The following TMEM202 variants were observed in gnomAD, a reference collection of about 807,000 sequenced individuals.
TMEM202 encodes transmembrane protein 202.
Under a neutral mutation model 26.1 loss-of-function variants are expected in TMEM202, and 25 were observed. The observed-to-expected ratio is 0.96, with a 90% CI of 0.70 to 1.34. The LOEUF is 1.34. Ranked by LOEUF, TMEM202 falls within the 40% of genes most tolerant of loss-of-function variation. TMEM202 has a pLI of 0.00. For missense variants in TMEM202, 301 were observed against 327.7 expected (o/e 0.92, Z 0.63); for synonymous variants, 122 against 119.0 (o/e 1.02, Z -0.16).
chr15:72,408,181 G>C lies in TMEM202; in HGVS notation c.*288G>C, dbSNP rs1047007271. Among the ~76,000 whole-genome samples the C allele has an allele frequency of 2.0e-5, 3 of 152,050 alleles. No individual in the cohort carries two copies. The highest frequency in any genetic ancestry group is 7.2e-5 in the African/African-American group (3 of 41,382). On this transcript the variant is annotated 3_prime_UTR_variant, in exon 5 of 5. Transcript: ENST00000341689. ...AGTGTGTAGACCAGAGACCTCTTTG[G>C]GTATCAGGGATCTCATGGACCAGAA...
Position 72,398,395 on chromosome 15 carries a change from GA to G in TMEM202, c.72del (p.Lys24AsnfsTer46). The part of the protein sequence containing the change: ...PEVPKIKGNR[K>X]YQRPTVPAKK... Reference sequence around the variant, plus strand: ...AGGTTCCCAAAATAAAGGGGAACCGGAAATACCAAAGGGTGAGGAGGTATCT... The same window carrying G: ...AGGTTCCCAAAATAAAGGGGAACCGGAATACCAAAGGGTGAGGAGGTATCT... On this transcript the variant is annotated frameshift_variant, in exon 1 of 5. Transcript: ENST00000341689. LOFTEE classifies it high-confidence loss of function. 1 of 1,611,712 alleles carries G rather than the reference GA, an allele frequency of 6.2e-7. No homozygotes were observed.
At chr15:72,402,921 C>T (rs2063554570) in intron 2 of TMEM202, among the ~76,000 whole-genome samples, 1 of 152,170 alleles carries the variant, frequency 6.6e-6, no homozygotes, top group Non-Finnish European at 1.5e-5. Flanking sequence ...AAACCACCCA[C>T]TTGGGGCACC....
chr15:72,401,405 G>T (rs775117604), intron 2 of TMEM202, among the ~76,000 whole-genome samples: 1 of 152,134 alleles, frequency 6.6e-6, no homozygotes, highest in African/African-American at 2.4e-5. Context: ...TTAGCTGGGC[G>T]TGGTAGTGGG....
chr15:72,404,438 A>T (rs1413093273), intron 2 of TMEM202, among the ~76,000 whole-genome samples: 5 of 152,038 alleles, frequency 3.3e-5, no homozygotes, highest in Non-Finnish European at 7.4e-5. Context: ...AAGAAAAAAA[A>T]ATGTGGCTCA....
Position 72,398,886 on chromosome 15 carries a change from G to C in TMEM202, c.315G>C (p.Trp105Cys). The change falls in exon 2 of 5, where the codon TGG becomes TGC. Residue 105 changes from tryptophan (W) to cysteine (C), a missense_variant. Physicochemically the swap from Trp to Cys is radical, Grantham distance 215 (BLOSUM62 -2). Coordinates refer to ENST00000341689, the MANE Select transcript of TMEM202 (RefSeq NM_001080462.3). ...CCTTATGCAACCATGAGCTGTGCTG[G>C]AGCCACACACCCAAGCCACCCTGTG... ...LWTLCNHELC[W>C]SHTPKPPYYL... 1 of 1,608,474 alleles carries C rather than the reference G, an allele frequency of 6.2e-7. No individual in the cohort carries two copies. The highest frequency in any genetic ancestry group is 8.5e-7 in the Non-Finnish European group (1 of 1,175,784).
chr15:72,405,564 G>A (rs1036509210), intron 2 of TMEM202, among the ~76,000 whole-genome samples: 3 of 152,112 alleles, frequency 2.0e-5, no homozygotes, highest in Non-Finnish European at 2.9e-5. Flanking sequence ...ACTTGGATAA[G>A]AGCAACTTGA....
intron 2 of TMEM202, among the ~76,000 whole-genome samples, chr15:72,400,753 G>A (rs2063543656): frequency 6.6e-6 from 1 of 152,184 alleles, no homozygotes. Flanking sequence ...AGAGTAAAGT[G>A]AAAGCAAATT....
intron 2 of TMEM202, among the ~76,000 whole-genome samples, chr15:72,402,642 A>C (rs1354365163): frequency 1.3e-5 from 2 of 152,210 alleles, no homozygotes; most frequent in African/African-American, 4.8e-5. Flanking sequence ...TGGTGAGATC[A>C]GGCTGAAATA....
In TMEM202 at chr15:72,406,727, G is replaced by A; in HGVS notation, c.463G>A (p.Val155Ile). The A allele has an allele frequency of 6.2e-7, 1 of 1,614,044 alleles. No homozygotes were observed. ...GSMTTNLDLK[V>I]SMLSFISATC... Reference sequence around the variant, plus strand: ...CATGACCACCAACTTGGATCTGAAGGTATCCATGCTCAGCTTCATCTCAGG... The same window carrying A: ...CATGACCACCAACTTGGATCTGAAGATATCCATGCTCAGCTTCATCTCAGG... The change falls in exon 3 of 5, where the codon GTA (valine) becomes ATA (isoleucine). Residue 155 changes from valine to isoleucine, a missense_variant. By Grantham distance (29) the Val-to-Ile change is conservative. Transcript: ENST00000341689.
chr15:72,401,929 A>G (rs930205263), intron 2 of TMEM202, among the ~76,000 whole-genome samples: 2 of 152,170 alleles, frequency 1.3e-5, no homozygotes, highest in African/African-American at 2.4e-5. Context: ...GTGACAATAT[A>G]ATGTTATTAT....
intron 4 of TMEM202, 124 bp from the exon 5 acceptor site, chr15:72,407,567 G>T: frequency 2.5e-6 from 2 of 803,554 alleles, no homozygotes; most frequent in East Asian, 2.6e-5. Flanking sequence ...TAACTCCACT[G>T]GGGGAGAGAG....
In TMEM202 at chr15:72,406,484, C is replaced by G. The variant is rs1002432128; in HGVS notation, c.338-118C>G. 2.8e-5 allele frequency: 21 copies of G among 747,714 alleles called. No homozygotes were observed. The African/African-American group carries it at 3.2e-4, about 11-fold the overall frequency. 46.3% of individuals were successfully genotyped at this position (747,714 alleles called of 1,614,324 possible). On this transcript the variant is annotated intron_variant, in intron 2 of 4. Transcript: ENST00000341689. ...TCCAAGCAAAAAGGATGTCATGTAG[C>G]AAGCTCTGCTCCATCATCCTTTGTT...
In TMEM202 at chr15:72,400,085, T is replaced by G. The variant is rs184859379; in HGVS notation, c.337+1177T>G. 4.6e-5 allele frequency among the ~76,000 whole-genome samples: 7 copies of G among 152,228 alleles called. No individual in the cohort carries two copies. In the South Asian group the frequency reaches 8.3e-4, roughly 18 times the overall value. Reference sequence around the variant, plus strand: ...ATCAAAGGCAGACAGACAATTCAACTGCATAAAACGAAAACTAGAGAAAAT... The same window carrying G: ...ATCAAAGGCAGACAGACAATTCAACGGCATAAAACGAAAACTAGAGAAAAT... On this transcript the variant is annotated intron_variant, in intron 2 of 4. Coordinates refer to ENST00000341689, the MANE Select transcript of TMEM202 (RefSeq NM_001080462.3).
intron 2 of TMEM202, among the ~76,000 whole-genome samples, chr15:72,401,453 G>C (rs2063547293): frequency 6.6e-6 from 1 of 152,288 alleles, no homozygotes. Flanking sequence ...CCGAAGTGGA[G>C]AGTTGCTTGA....
At chr15:72,400,657 C>G (rs1207323403) in intron 2 of TMEM202, among the ~76,000 whole-genome samples, 1 of 151,914 alleles carries the variant, frequency 6.6e-6, no homozygotes, top group African/African-American at 2.4e-5. Context: ...GCCTGTAATC[C>G]CAGTGTTACC....
Position 72,408,056 on chromosome 15 carries a change from A to G in TMEM202, c.*163A>G, listed in dbSNP as rs2140361154. 5.0e-6 allele frequency: 3 copies of G among 601,110 alleles called. No homozygotes were observed. The highest frequency in any genetic ancestry group is 2.8e-5 in the East Asian group (1 of 35,954). 37.2% of individuals were successfully genotyped at this position (601,110 alleles called of 1,614,324 possible). A position where few individuals can be genotyped will look rare whatever the true frequency, so the allele number is the denominator to read the frequency against. ...TTTGCGTGCATTGGATCCAAAATAT[A>G]TATGATAGTCATAAAGTAAATAACT... On this transcript the variant is annotated 3_prime_UTR_variant, in exon 5 of 5. Transcript: ENST00000341689.
chr15:72,401,444 C>T (rs79072130), intron 2 of TMEM202, among the ~76,000 whole-genome samples: 5,048 of 151,812 alleles, frequency 0.033, 132 homozygotes, highest in East Asian at 0.12. Context: ...CTTGGGAGGC[C>T]GAAGTGGAGA....
chr15:72,403,366 T>A (rs975996347), intron 2 of TMEM202, among the ~76,000 whole-genome samples: 2 of 152,222 alleles, frequency 1.3e-5, no homozygotes, highest in Admixed American at 1.3e-4. Context: ...GAAAGTGACA[T>A]CCTTTCTCTT....
intron 2 of TMEM202, among the ~76,000 whole-genome samples, chr15:72,406,207 T>C (rs1161657007): frequency 6.6e-6 from 1 of 152,166 alleles, no homozygotes; most frequent in Non-Finnish European, 1.5e-5. Context: ...AAATAAAATA[T>C]TAACAATGGT....
Sources: allele counts gnomAD v4.1 joint callset (sites outside exome capture counted in the v4.1 genomes callset), GRCh38; gene constraint gnomAD v4.1.1; transcripts MANE v1.5; gene names NCBI Gene and HGNC (gene_info 2026-07-23, HGNC 2026-07-21).